The following RBFOX1 variants were observed in gnomAD, a reference collection of about 807,000 sequenced individuals.
RBFOX1 encodes RNA binding protein fox-1 homolog 1.
Under a neutral mutation model 57.7 loss-of-function variants are expected in RBFOX1, and 8 were observed. The observed-to-expected ratio is 0.14, with a 90% confidence interval of 0.08 to 0.25. The LOEUF (loss-of-function observed/expected upper bound fraction) is 0.25, where lower values mean the gene tolerates loss of function less well. Ranked by LOEUF, RBFOX1 falls within the 10% of genes least tolerant of loss-of-function variation. The pLI is 1.00. For missense variants in RBFOX1, 611 were observed against 548.5 expected, an observed-to-expected ratio of 1.11 and a Z score of -1.14; for synonymous variants, 326 against 222.4, an observed-to-expected ratio of 1.47 and a Z score of -4.15.
chr16:6,903,738 CA>C lies in RBFOX1; in HGVS notation c.-15-148315del, dbSNP rs150606679. ...GCACTGGGAGGGACTAATAGGACCTCAAAAGAAAGAGGTGAGAGGCAGAGGG... is the reference window on the plus strand; with the variant it reads ...GCACTGGGAGGGACTAATAGGACCTCAAAGAAAGAGGTGAGAGGCAGAGGG... On this transcript the variant is annotated intron_variant, in intron 3 of 15. Transcript: ENST00000550418. Among the ~76,000 whole-genome samples the C allele has an allele frequency of 5.7e-3, 871 of 152,130 alleles. 19 individuals carry two copies. The highest frequency in any genetic ancestry group is 0.02 in the African/African-American group (838 of 41,486).
At chr16:6,917,896 G>T (rs898489313) in intron 3 of RBFOX1, among the ~76,000 whole-genome samples, 2 of 152,080 alleles carry the variant, frequency 1.3e-5, no homozygotes, top group African/African-American at 4.8e-5. Flanking sequence ...GTCGAAAGAG[G>T]GACAATGGAG....
intron 7 of RBFOX1, 111 bp downstream of exon 7, chr16:7,587,411 A>G (rs752267576): frequency 2.6e-5 from 30 of 1,166,434 alleles, no homozygotes; most frequent in Non-Finnish European, 3.1e-5. Flanking sequence ...AATACACTTC[A>G]GTGGGAATTC....
intron 4 of RBFOX1, among the ~76,000 whole-genome samples, chr16:7,424,674 G>A (rs1308872497): frequency 6.6e-6 from 1 of 152,084 alleles, no homozygotes; most frequent in Non-Finnish European, 1.5e-5. Context: ...GTAGTGCCCA[G>A]GATAAGAAGG....
In RBFOX1 at chr16:5,658,809, G is replaced by GTA. The variant is rs1396722023; in HGVS notation, c.318+59855_318+59856dup. Among the ~76,000 whole-genome samples the GTA allele has an allele frequency of 6.8e-4, 95 of 139,408 alleles. No individual in the cohort carries two copies. The East Asian group carries it at 0.015, about 22-fold the overall frequency. 91.5% of individuals were successfully genotyped at this position (139,408 alleles called of 152,430 possible). A position where few individuals can be genotyped will look rare whatever the true frequency, so the allele number is the denominator to read the frequency against. Reference sequence around the variant, plus strand: ...ATATATATAATATATGTGTATATATGTATATATAATATATGTATATATGTA... The same window carrying GTA: ...ATATATATAATATATGTGTATATATGTATATATATAATATATGTATATATGTA... On this transcript the variant is annotated intron_variant, in intron 3 of 19. Coordinates refer to the RBFOX1 transcript ENST00000641259.
intron 3 of RBFOX1, among the ~76,000 whole-genome samples, chr16:6,760,536 A>G (rs1238683383): frequency 3.3e-5 from 5 of 152,208 alleles, no homozygotes; most frequent in Non-Finnish European, 7.3e-5. Context: ...TAAACAGTAA[A>G]TGCTTTTGGA....
intron 4 of RBFOX1, among the ~76,000 whole-genome samples, chr16:7,313,010 G>A (rs1049896579): frequency 1.3e-5 from 2 of 152,048 alleles, no homozygotes; most frequent in African/African-American, 4.8e-5. Context: ...GCATTTTCAT[G>A]CCCTGGATCT....
intron 4 of RBFOX1, among the ~76,000 whole-genome samples, chr16:7,158,892 C>T (rs1030702780): frequency 1.3e-5 from 2 of 151,884 alleles, no homozygotes; most frequent in South Asian, 2.1e-4. Flanking sequence ...TCTTTGCACA[C>T]GTGTGTGTAA....
At position 6,646,484 on chromosome 16, in the gene RBFOX1, G is replaced by C. The variant is rs552319017; in HGVS notation, c.-63-8119G>C. On this transcript the variant is annotated intron_variant, in intron 2 of 15. Coordinates refer to ENST00000550418, the MANE Select transcript of RBFOX1 (RefSeq NM_018723.4). Reference sequence around the variant, plus strand: ...TTTTCTGTCGCTTGCGTGGGTCCTCGGTGGCAGATTAAGAGCAAAAATCTG... The same window carrying C: ...TTTTCTGTCGCTTGCGTGGGTCCTCCGTGGCAGATTAAGAGCAAAAATCTG... 4.7e-4 allele frequency among the ~76,000 whole-genome samples: 72 copies of C among 152,136 alleles called. 2 individuals carry two copies. In the South Asian group the frequency reaches 0.015, roughly 31 times the overall value.
chr16:6,928,027 C>G (rs1053619130), intron 3 of RBFOX1, among the ~76,000 whole-genome samples: 1 of 152,156 alleles, frequency 6.6e-6, no homozygotes, highest in African/African-American at 2.4e-5. Context: ...GCACCCACCC[C>G]TCTAGATTTA....
At chr16:5,780,355 G>T (rs28373422) in intron 3 of RBFOX1, among the ~76,000 whole-genome samples, 2 of 151,676 alleles carry the variant, frequency 1.3e-5, no homozygotes, top group Non-Finnish European at 2.9e-5. Flanking sequence ...ATTTCTTCTG[G>T]GTACAGGAAA....
At chr16:5,840,326 C>G (rs551314264) in intron 3 of RBFOX1, among the ~76,000 whole-genome samples, 1 of 152,328 alleles carries the variant, frequency 6.6e-6, no homozygotes, top group Admixed American at 6.5e-5. Flanking sequence ...CACAGCTCTT[C>G]TGAAGAGGCT....
At chr16:7,635,935 C>G (rs1274775495) in intron 11 of RBFOX1, among the ~76,000 whole-genome samples, 1 of 152,148 alleles carries the variant, frequency 6.6e-6, no homozygotes, top group Non-Finnish European at 1.5e-5. Context: ...CTCAGCCTCC[C>G]AAGTAGCTGG....
Position 6,557,014 on chromosome 16 carries a change from T to C in RBFOX1, c.-63-97589T>C, listed in dbSNP as rs552201598. ...ATACATACATATATATACATATATA[T>C]ACATATATATACATATATACACATA... On this transcript the variant is annotated intron_variant, in intron 2 of 15. Transcript: ENST00000550418. Among the ~76,000 whole-genome samples the C allele has an allele frequency of 3.3e-4, 45 of 137,560 alleles. 1 individual carries two copies. Among genetic ancestry groups the C allele is most frequent in the Admixed American group, 5.1e-4 (7 of 13,854 alleles). The allele number at this position is 137,560 out of a possible 152,430, so 90.2% of individuals were successfully genotyped here.
intron 2 of RBFOX1, among the ~76,000 whole-genome samples, chr16:5,557,812 C>T (rs1179803670): frequency 6.6e-6 from 1 of 152,204 alleles, no homozygotes; most frequent in Non-Finnish European, 1.5e-5. Context: ...TTTTCACACC[C>T]ATAGAAGTTG....
At chr16:6,021,355 A>AG (rs2095072759) in intron 1 of RBFOX1, among the ~76,000 whole-genome samples, 3 of 152,080 alleles carry the variant, frequency 2.0e-5, no homozygotes, top group Non-Finnish European at 4.4e-5. Context: ...TACAAAAGAG[A>AG]GAAAAAAAAG....
At chr16:5,452,729 C>T (rs561715093) in intron 1 of RBFOX1, among the ~76,000 whole-genome samples, 5 of 151,858 alleles carry the variant, frequency 3.3e-5, no homozygotes, top group Non-Finnish European at 7.4e-5. Flanking sequence ...CTGCAACCTC[C>T]GCCTCCTAGG....
rs557531018 is a variant in RBFOX1, at chr16:6,302,249, A to G, written c.-126-14746A>G. Among the ~76,000 whole-genome samples the G allele has an allele frequency of 4.0e-5, 6 of 151,404 alleles. No homozygotes were observed. The South Asian group carries it at 8.4e-4, about 21-fold the overall frequency. ...CTGAACATTTCGCAAACCTTTCATG[A>G]TCTCACTCCAGTTTTATGACTTTCC... On this transcript the variant is annotated intron_variant, in intron 1 of 15. Coordinates refer to ENST00000550418, the MANE Select transcript of RBFOX1 (RefSeq NM_018723.4).
intron 4 of RBFOX1, among the ~76,000 whole-genome samples, chr16:5,944,790 TAAAA>T (rs60749168): frequency 7.3e-5 from 3 of 41,256 alleles, no homozygotes; most frequent in African/African-American, 1.0e-4. Flanking sequence ...CTGTCTCTGC[TAAAA>T]AAAAAAAAAA....
chr16:6,859,613 G>C (rs991170690), intron 3 of RBFOX1, among the ~76,000 whole-genome samples: 22 of 151,898 alleles, frequency 1.4e-4, no homozygotes, highest in African/African-American at 5.3e-4. Flanking sequence ...TCTTCCTGCC[G>C]CCTCTCTGTG....
Sources: allele counts gnomAD v4.1 joint callset (sites outside exome capture counted in the v4.1 genomes callset), GRCh38; gene constraint gnomAD v4.1.1; transcripts MANE v1.5; gene names NCBI Gene and HGNC (gene_info 2026-07-23, HGNC 2026-07-21).